Variants in SLC2A8 observed in about 807,000 individuals in gnomAD.
SLC2A8 encodes the protein solute carrier family 2, facilitated glucose transporter member 8.
Under a neutral mutation model 49.2 loss-of-function variants are expected in SLC2A8, and 53 were observed. The ratio of observed to expected loss-of-function variants is 1.08; its 90% CI spans 0.86 to 1.35. The LOEUF (loss-of-function observed/expected upper bound fraction) is 1.35, where lower values mean the gene tolerates loss of function less well. SLC2A8 is among the 40% of genes most tolerant of loss of function. SLC2A8 has a pLI of 0.00. For synonymous variants in SLC2A8, 299 were observed against 297.0 expected (o/e 1.01, Z -0.07); for missense variants, 688 against 671.7 (o/e 1.02, Z -0.27).
chr9:127,398,200 C>T, intron 3 of SLC2A8, 89 bp downstream of exon 3: 1 of 1,394,918 alleles, frequency 7.2e-7, no homozygotes, highest in Non-Finnish European at 1.0e-6. Flanking sequence ...GGGGGCGCGG[C>T]TCCCCCTGGC....
In SLC2A8 at chr9:127,399,017, T is replaced by G. The variant is rs1391888585; in HGVS notation, c.427-890T>G. ...AGCTGGGCCTTTTATGTCTTTGGTTTTTTTAACTGGGCAGAAACACACCTG... is the reference window on the plus strand; with the variant it reads ...AGCTGGGCCTTTTATGTCTTTGGTTGTTTTAACTGGGCAGAAACACACCTG... On this transcript the variant is annotated intron_variant, in intron 3 of 9. Transcript: ENST00000373371. This position sits in a 1 kb window ranked among gnomAD's most constrained non-coding sequence, Gnocchi z 4.2. 6.6e-6 allele frequency among the ~76,000 whole-genome samples: 1 copy of G among 152,240 alleles called. No homozygotes were observed. Among genetic ancestry groups the G allele is most frequent in the Non-Finnish European group, 1.5e-5 (1 of 68,044 alleles).
Position 127,399,200 on chromosome 9 carries a change from C to T in SLC2A8, c.427-707C>T, listed in dbSNP as rs1833171618. On this transcript the variant is annotated intron_variant, in intron 3 of 9. Transcript: ENST00000373371. This position sits in a 1 kb window ranked among gnomAD's most constrained non-coding sequence, Gnocchi z 4.2. ...CACCACTCAAAGCGTGGGCCCTGGG[C>T]TAGGATCCTGGGTGGGCGTCACGTG... is the stretch of plus-strand genomic sequence containing the variant. Among the ~76,000 whole-genome samples the T allele has an allele frequency of 6.6e-6, 1 of 152,208 alleles. No individual in the cohort carries two copies. The highest frequency in any genetic ancestry group is 1.5e-5 in the Non-Finnish European group (1 of 68,028).
At position 127,405,499 on chromosome 9, in the gene SLC2A8, A is replaced by G; in HGVS notation, c.1230A>G (p.Thr410=). The G allele has an allele frequency of 6.2e-7, 1 of 1,613,170 alleles. No homozygotes were observed. The highest frequency in any genetic ancestry group is 8.5e-7 in the Non-Finnish European group (1 of 1,180,002). ...CTCTGCATGTCAAGGGCGTGGCGAC[A>G]GGCATCTGCGTCCTCACCAACTGGC... is the stretch of plus-strand genomic sequence containing the variant. ...IFPLHVKGVA[T]GICVLTNWLM... Residue 410 remains threonine, a synonymous_variant, in exon 9 of 10, where the codon ACA becomes ACG. Coordinates refer to ENST00000373371, the MANE Select transcript of SLC2A8 (RefSeq NM_014580.5).
intron 4 of SLC2A8, among the ~76,000 whole-genome samples, chr9:127,402,172 T>C (rs1034157802): frequency 5.9e-5 from 9 of 152,228 alleles, no homozygotes; most frequent in African/African-American, 2.2e-4. Flanking sequence ...CTTGGTAGCC[T>C]TCAGAGAGTC....
rs1027694074 is a variant in SLC2A8, at chr9:127,405,062, G to A, written c.1150+71G>A. The A allele has an allele frequency of 4.5e-5, 67 of 1,493,872 alleles. No individual in the cohort carries two copies. In the Middle Eastern group the frequency reaches 5.6e-4, roughly 13 times the overall value. 92.5% of individuals were successfully genotyped at this position (1,493,872 alleles called of 1,614,324 possible). A position where few individuals can be genotyped will look rare whatever the true frequency, so the allele number is the denominator to read the frequency against. ...CCCCGGCCCTGCTGTGGCGGCTCCC[G>A]GCAGGTGGGGTCTTCCCCAGCCTCA... On this transcript the variant is annotated intron_variant, in intron 8 of 9. Transcript: ENST00000373371.
At position 127,399,842 on chromosome 9, in the gene SLC2A8, G is replaced by T; in HGVS notation, c.427-65G>T. On this transcript the variant is annotated intron_variant, in intron 3 of 9. Transcript: ENST00000373371. The surrounding 1 kb of genome is among the most constrained non-coding windows in gnomAD (Gnocchi z 4.2). ...GTGATCTGCCCGCCTCGGCCTCCCAGAGTGCTGGGATTGCAGGCATGAGCC... is the reference window on the plus strand; with the variant it reads ...GTGATCTGCCCGCCTCGGCCTCCCATAGTGCTGGGATTGCAGGCATGAGCC... The T allele has an allele frequency of 7.0e-7, 1 of 1,422,454 alleles. No individual in the cohort carries two copies. Among genetic ancestry groups the T allele is most frequent in the Non-Finnish European group, 9.9e-7 (1 of 1,012,736 alleles). 88.1% of individuals were successfully genotyped at this position (1,422,454 alleles called of 1,614,324 possible). A position where few individuals can be genotyped will look rare whatever the true frequency, so the allele number is the denominator to read the frequency against.
chr9:127,407,499 C>A lies in SLC2A8; in HGVS notation c.*250C>A. On this transcript the variant is annotated 3_prime_UTR_variant, in exon 10 of 10. Transcript: ENST00000373371. ...GCTTTGCAGACCTGCGGTCAGCCCT[C>A]CATGCGCAAGACTAAAGCAGCGGAA... 1.6e-6 allele frequency: 1 copy of A among 635,662 alleles called. No homozygotes were observed. The allele number at this position is 635,662 out of a possible 1,614,324, so 39.4% of individuals were successfully genotyped here. A position where few individuals can be genotyped will look rare whatever the true frequency, so the allele number is the denominator to read the frequency against.
rs148390055 is a variant in SLC2A8 at position 127,403,419 on chromosome 9, T to A, written c.724-241T>A. ...GGCAGCAGCTTGCTCTTTGCCCAGATTACCTCTTTGTGGCTCCCCCCCACC... is the reference window on the plus strand; with the variant it reads ...GGCAGCAGCTTGCTCTTTGCCCAGAATACCTCTTTGTGGCTCCCCCCCACC... On this transcript the variant is annotated intron_variant, in intron 5 of 9. Coordinates refer to ENST00000373371, the MANE Select transcript of SLC2A8 (RefSeq NM_014580.5). The A allele has an allele frequency of 4.0e-3, 2,324 of 575,010 alleles. 46 individuals carry two copies. In the East Asian group the frequency reaches 0.049, roughly 12 times the overall value. The allele number at this position is 575,010 out of a possible 1,614,324, so 35.6% of individuals were successfully genotyped here. A position where few individuals can be genotyped will look rare whatever the true frequency, so the allele number is the denominator to read the frequency against.
intron 9 of SLC2A8, 64 bp downstream of exon 9, chr9:127,405,629 C>T (rs983655828): frequency 1.0e-4 from 162 of 1,592,662 alleles, no homozygotes; most frequent in Non-Finnish European, 1.4e-4. Context: ...TCTAAAACCA[C>T]TTGTATTGCA....
Position 127,403,439 on chromosome 9 carries a change from C to G in SLC2A8, c.724-221C>G, listed in dbSNP as rs914349622. 171 of 592,832 alleles carry G rather than the reference C, an allele frequency of 2.9e-4. 1 individual carries two copies. Among genetic ancestry groups the G allele is most frequent in the African/African-American group, 2.4e-3 (131 of 53,824 alleles). 36.7% of individuals were successfully genotyped at this position (592,832 alleles called of 1,614,324 possible). A position where few individuals can be genotyped will look rare whatever the true frequency, so the allele number is the denominator to read the frequency against. On this transcript the variant is annotated intron_variant, in intron 5 of 9. Transcript: ENST00000373371. ...CCAGATTACCTCTTTGTGGCTCCCC[C>G]CCACCTATCAGGAAGTGCCCTGGGC... is the stretch of plus-strand genomic sequence containing the variant.
chr9:127,397,354 A>C (rs768015530), intron 1 of SLC2A8, 22 bp from the exon 2 acceptor site: 3 of 1,413,442 alleles, frequency 2.1e-6, no homozygotes, highest in Non-Finnish European at 2.7e-6. Flanking sequence ...CGCTCCGCTC[A>C]CCCTCGGCCC....
rs1010560768 is a variant in SLC2A8 at position 127,399,014 on chromosome 9, G to GT, written c.427-886dup. Among the ~76,000 whole-genome samples, 3 of 152,212 alleles carry GT rather than the reference G, an allele frequency of 2.0e-5. No individual in the cohort carries two copies. The highest frequency in any genetic ancestry group is 1.9e-4 in the East Asian group (1 of 5,196). ...AGAAGCTGGGCCTTTTATGTCTTTG[G>GT]TTTTTTTAACTGGGCAGAAACACAC... is the stretch of plus-strand genomic sequence containing the variant. On this transcript the variant is annotated intron_variant, in intron 3 of 9. Coordinates refer to ENST00000373371, the MANE Select transcript of SLC2A8 (RefSeq NM_014580.5). This position sits in a 1 kb window ranked among gnomAD's most constrained non-coding sequence, Gnocchi z 4.2.
chr9:127,398,202 C>T (rs1277260268), intron 3 of SLC2A8, 91 bp downstream of exon 3: 6 of 1,387,468 alleles, frequency 4.3e-6, no homozygotes, highest in East Asian at 2.3e-5. Context: ...GGGCGCGGCT[C>T]CCCCTGGCGG....
intron 4 of SLC2A8, among the ~76,000 whole-genome samples, chr9:127,400,530 C>T (rs1833244934): frequency 3.3e-5 from 5 of 152,110 alleles, no homozygotes; most frequent in Non-Finnish European, 2.9e-5. Flanking sequence ...CTGAAGCCCC[C>T]TCTAGGGGTG....
In SLC2A8 at chr9:127,401,044, G is replaced by A. The variant is rs570826029; in HGVS notation, c.526+1038G>A. ...CAGAAGGCTGAGGTTTCAGTGAGCT[G>A]AGATCGCGCCACTGCACTCCAGTGT... On this transcript the variant is annotated intron_variant, in intron 4 of 9. Coordinates refer to ENST00000373371, the MANE Select transcript of SLC2A8 (RefSeq NM_014580.5). Among the ~76,000 whole-genome samples the A allele has an allele frequency of 3.3e-5, 5 of 152,310 alleles. No individual in the cohort carries two copies. In the East Asian group the frequency reaches 5.8e-4, roughly 18 times the overall value.
chr9:127,405,828 G>A (rs1463543842), intron 9 of SLC2A8, among the ~76,000 whole-genome samples: 7 of 152,218 alleles, frequency 4.6e-5, no homozygotes, highest in African/African-American at 7.2e-5. Flanking sequence ...CTTAGTGAAC[G>A]TCAGGAAAGC....
At chr9:127,404,773 G>GCCGTTCCCCGGGTGCC in intron 7 of SLC2A8, 45 bp from the exon 8 acceptor site, 1 of 1,586,688 alleles carries the variant, frequency 6.3e-7, no homozygotes, top group Non-Finnish European at 8.6e-7. Flanking sequence ...TGCGCCCTGG[G>GCCGTTCCCCGGGTGCC]CCGTTCCCCG....
intron 7 of SLC2A8, 175 bp from the exon 8 acceptor site, chr9:127,404,643 G>T (rs1833420673): frequency 1.5e-6 from 1 of 688,018 alleles, no homozygotes; most frequent in Non-Finnish European, 2.4e-6. Context: ...GTTCGCTGAG[G>T]TCCAAGGCGG....
intron 7 of SLC2A8, 165 bp from the exon 8 acceptor site, chr9:127,404,653 G>A: frequency 1.4e-6 from 1 of 735,714 alleles, no homozygotes; most frequent in Non-Finnish European, 2.1e-6. Flanking sequence ...GTCCAAGGCG[G>A]GGTGGCTGCC....
Sources: allele counts gnomAD v4.1 joint callset (sites outside exome capture counted in the v4.1 genomes callset), GRCh38; gene constraint gnomAD v4.1.1; non-coding constraint Gnocchi (gnomAD v3.1); transcripts MANE v1.5; gene names NCBI Gene and HGNC (gene_info 2026-07-23, HGNC 2026-07-21).